CEP112: variants seen among roughly 807,000 people sequenced by gnomAD.
CEP112 encodes centrosomal protein of 112 kDa.
Under a neutral mutation model 153.0 loss-of-function variants are expected in CEP112, and 127 were observed. The observed-to-expected ratio is 0.83, with a 90% CI of 0.72 to 0.96. The LOEUF (loss-of-function observed/expected upper bound fraction) is 0.96. Among genes scored for constraint, CEP112 ranks in the 40% least tolerant of loss-of-function variants. CEP112 has a pLI of 0.00. For missense variants in CEP112, 1,089 were observed against 1,101.2 expected, an observed-to-expected ratio of 0.99 and a Z score of 0.16; for synonymous variants, 358 against 374.4, an observed-to-expected ratio of 0.96 and a Z score of 0.51.
In CEP112 at chr17:65,936,902, C is replaced by T. The variant is rs537320583; in HGVS notation, c.1873-9213G>A. 2.4e-4 allele frequency among the ~76,000 whole-genome samples: 36 copies of T among 150,856 alleles called. No individual in the cohort carries two copies. The South Asian group carries it at 7.8e-3, about 33-fold the overall frequency. On this transcript the variant is annotated intron_variant, in intron 18 of 26. Transcript: ENST00000535342. ...ACTGTACTGCCACCGTCTCGGCTCA[C>T]TGCAACCTCCCTGCCTGATTCTCCT...
intron 24 of CEP112, among the ~76,000 whole-genome samples, chr17:65,659,123 C>A (rs184145184): frequency 6.6e-6 from 1 of 151,180 alleles, no homozygotes; most frequent in Non-Finnish European, 1.5e-5. Flanking sequence ...TTAATCACGA[C>A]GGATTTTGGT....
At chr17:65,973,291 G>T (rs906236326) in intron 17 of CEP112, among the ~76,000 whole-genome samples, 9 of 152,098 alleles carry the variant, frequency 5.9e-5, no homozygotes, top group Non-Finnish European at 1.3e-4. Context: ...CCTGCTTTTT[G>T]AAAGAAACCA....
chr17:65,764,069 AACCAGG>A (rs1340012810), intron 21 of CEP112, among the ~76,000 whole-genome samples: 1 of 152,000 alleles, frequency 6.6e-6, no homozygotes, highest in African/African-American at 2.4e-5. Flanking sequence ...CTCCTAGCTC[AACCAGG>A]ATGGTTCAAG....
At chr17:66,152,382 T>A (rs2071248083) in intron 4 of CEP112, among the ~76,000 whole-genome samples, 1 of 152,210 alleles carries the variant, frequency 6.6e-6, no homozygotes, top group African/African-American at 2.4e-5. Flanking sequence ...CTAAGAAGAT[T>A]TACAAAGTAT....
rs1308442631 is a variant in CEP112 at position 66,005,687 on chromosome 17, C to T, written c.1736+3G>A. The T allele has an allele frequency of 6.2e-7, 1 of 1,603,758 alleles. No homozygotes were observed. Among genetic ancestry groups the T allele is most frequent in the South Asian group, 1.1e-5 (1 of 88,904 alleles). ...AAATCAAATGCATTACAATTTTACT[C>T]ACTTCAAAGCTTCCTCAAATTTATG... On this transcript the variant is annotated splice_donor_region_variant and intron_variant, in intron 17 of 26. Transcript: ENST00000535342.
chr17:65,919,892 G>A (rs562959334), intron 19 of CEP112, among the ~76,000 whole-genome samples: 20 of 152,218 alleles, frequency 1.3e-4, no homozygotes, highest in East Asian at 5.8e-4. Flanking sequence ...GGAACTCCGC[G>A]GGAGTGCATT....
At chr17:66,052,887 G>A (rs1200957412) in intron 12 of CEP112, among the ~76,000 whole-genome samples, 8 of 151,848 alleles carry the variant, frequency 5.3e-5, no homozygotes, top group African/African-American at 7.3e-5. Context: ...CGGGCAGATC[G>A]CTTGAGTCCA....
At chr17:66,072,835 G>C (rs565921665) in intron 8 of CEP112, among the ~76,000 whole-genome samples, 1 of 152,156 alleles carries the variant, frequency 6.6e-6, no homozygotes, top group South Asian at 2.1e-4. Flanking sequence ...AGAAATCCTG[G>C]ATGTATTATG....
chr17:65,937,552 GT>G (rs2061367171), intron 18 of CEP112, among the ~76,000 whole-genome samples: 3 of 91,596 alleles, frequency 3.3e-5, no homozygotes, highest in Admixed American at 1.3e-4. Flanking sequence ...CAGCCGCCCC[GT>G]CCGGGAGGGA....
At chr17:66,033,493 A>G (rs1330912841) in intron 12 of CEP112, among the ~76,000 whole-genome samples, 1 of 152,128 alleles carries the variant, frequency 6.6e-6, no homozygotes, top group African/African-American at 2.4e-5. Context: ...CTCATTTACT[A>G]TACTCCAGCC....
At chr17:65,912,151 G>C (rs2060313473) in intron 19 of CEP112, among the ~76,000 whole-genome samples, 1 of 152,120 alleles carries the variant, frequency 6.6e-6, no homozygotes, top group African/African-American at 2.4e-5. Context: ...ACATTTTCTT[G>C]ATGTTGTACA....
intron 23 of CEP112, among the ~76,000 whole-genome samples, chr17:65,724,003 C>T (rs1300235978): frequency 6.6e-6 from 1 of 152,100 alleles, no homozygotes; most frequent in Non-Finnish European, 1.5e-5. Context: ...ATGAAGAATC[C>T]TACAGCAAGT....
intron 8 of CEP112, among the ~76,000 whole-genome samples, chr17:66,071,585 C>A (rs1433498377): frequency 6.6e-6 from 1 of 152,126 alleles, no homozygotes; most frequent in South Asian, 2.1e-4. Flanking sequence ...ACACCTCTCA[C>A]CGGCCCTACC....
chr17:66,081,996 T>C (rs2067740234), intron 8 of CEP112, among the ~76,000 whole-genome samples: 2 of 152,120 alleles, frequency 1.3e-5, no homozygotes, highest in African/African-American at 4.8e-5. Context: ...AAACATTCAA[T>C]ATGGGTGAAA....
chr17:66,110,368 G>T (rs1046276399), intron 6 of CEP112, among the ~76,000 whole-genome samples: 2 of 151,034 alleles, frequency 1.3e-5, no homozygotes, highest in Non-Finnish European at 3.0e-5. Context: ...GAAAAGAAAA[G>T]ATACAATAAA....
At chr17:65,970,600 T>C (rs892762046) in intron 17 of CEP112, among the ~76,000 whole-genome samples, 15 of 152,060 alleles carry the variant, frequency 9.9e-5, no homozygotes, top group African/African-American at 3.6e-4. Flanking sequence ...ATATATTACC[T>C]GTATATTGCA....
chr17:66,149,484 T>G (rs928139324), intron 4 of CEP112, among the ~76,000 whole-genome samples: 2 of 152,212 alleles, frequency 1.3e-5, no homozygotes, highest in African/African-American at 4.8e-5. Flanking sequence ...GTTGAGAGGT[T>G]TTTGATTATT....
intron 17 of CEP112, among the ~76,000 whole-genome samples, chr17:65,971,415 A>AGCACATATATTGGATGAATGTGATGTAT (rs148309566): frequency 1.2e-4 from 18 of 151,534 alleles, no homozygotes; most frequent in Middle Eastern, 3.4e-3. Flanking sequence ...GCACCCATGC[A>AGCACATATATTGGATGAATGTGATGTAT]GCATGCTGCA....
intron 21 of CEP112, among the ~76,000 whole-genome samples, chr17:65,815,908 T>C (rs1036291244): frequency 2.6e-5 from 4 of 152,102 alleles, no homozygotes; most frequent in Non-Finnish European, 5.9e-5. Flanking sequence ...TTTTATCTCA[T>C]GTAGATGACA....
Sources: gnomAD v4.1 joint callset for allele counts (sites outside exome capture counted in the v4.1 genomes callset) on GRCh38, gnomAD v4.1.1 for gene constraint, MANE v1.5 for transcripts, NCBI Gene and HGNC (gene_info 2026-07-23, HGNC 2026-07-21) for gene names.